APBB2: variants seen among roughly 807,000 people sequenced by gnomAD.
APBB2 encodes amyloid beta precursor protein binding family B member 2.
A neutral mutation model predicts 82.5 loss-of-function variants in APBB2; 38 were observed. That is an observed-to-expected ratio of 0.46 (90% CI 0.36 to 0.60). The LOEUF is 0.60. APBB2 is among the 20% of genes least tolerant of loss of function. The pLI, the probability that APBB2 is intolerant of heterozygous loss-of-function variation, is 0.00. For synonymous variants in APBB2, 341 were observed against 368.2 expected, an observed-to-expected ratio of 0.93 and a Z score of 0.85; for missense variants, 772 against 972.3, an observed-to-expected ratio of 0.79 and a Z score of 2.74.
chr4:40,877,197 T>C (rs1767146794), intron 12 of APBB2, among the ~76,000 whole-genome samples: 1 of 152,262 alleles, frequency 6.6e-6, no homozygotes, highest in African/African-American at 2.4e-5. Context: ...GTCAGGAGTC[T>C]GTCTTGGCCA....
At chr4:40,928,427 CAAT>C (rs1398709320) in intron 10 of APBB2, among the ~76,000 whole-genome samples, 5 of 76,592 alleles carry the variant, frequency 6.5e-5, no homozygotes, top group East Asian at 3.0e-4. Flanking sequence ...CACACACACA[CAAT>C]CAGCCAGGTG....
At chr4:41,068,882 G>A (rs912288856) in intron 3 of APBB2, among the ~76,000 whole-genome samples, 1 of 137,886 alleles carries the variant, frequency 7.3e-6, no homozygotes, top group African/African-American at 2.8e-5. Context: ...TGCAACCTCC[G>A]ACTTCCTGGT....
At chr4:41,121,460 G>A (rs1446984071) in intron 2 of APBB2, among the ~76,000 whole-genome samples, 5 of 152,244 alleles carry the variant, frequency 3.3e-5, no homozygotes, top group South Asian at 2.1e-4. Flanking sequence ...ACTTGGGAGC[G>A]TGCGTGTGTA....
chr4:41,048,208 G>A (rs1234101433), intron 4 of APBB2, among the ~76,000 whole-genome samples: 2 of 152,192 alleles, frequency 1.3e-5, no homozygotes, highest in Non-Finnish European at 2.9e-5. Context: ...TTTCCTTTGA[G>A]AATCATGTCA....
At chr4:41,181,665 G>T (rs982043017) in intron 1 of APBB2, among the ~76,000 whole-genome samples, 4 of 152,128 alleles carry the variant, frequency 2.6e-5, no homozygotes, top group African/African-American at 7.2e-5. Flanking sequence ...GACTAGCATG[G>T]CCGGGCACAG....
intron 6 of APBB2, among the ~76,000 whole-genome samples, chr4:40,978,168 C>G (rs1578913890): frequency 6.6e-6 from 1 of 152,188 alleles, no homozygotes; most frequent in South Asian, 2.1e-4. Context: ...TGCCCAGACC[C>G]AAGTCAGCAA....
chr4:40,815,895 A>T lies in APBB2; in HGVS notation c.*197T>A, dbSNP rs536986809. ...CATGATGTAACTTACAGCAAAAAAAATTATTCATGCTTCTTTTCATATCAC... is the reference window on the plus strand; with the variant it reads ...CATGATGTAACTTACAGCAAAAAAATTTATTCATGCTTCTTTTCATATCAC... On this transcript the variant is annotated 3_prime_UTR_variant, in exon 18 of 18. Coordinates refer to ENST00000508593, the MANE Select transcript of APBB2 (RefSeq NM_004307.2). The T allele has an allele frequency of 1.6e-6, 1 of 616,736 alleles. No individual in the cohort carries two copies. Among genetic ancestry groups the T allele is most frequent in the African/African-American group, 1.8e-5 (1 of 55,218 alleles). The allele number at this position is 616,736 out of a possible 1,614,324, so 38.2% of individuals were successfully genotyped here.
intron 4 of APBB2, among the ~76,000 whole-genome samples, chr4:41,049,507 G>GC (rs1725088545): frequency 2.8e-5 from 4 of 143,650 alleles, no homozygotes; most frequent in Non-Finnish European, 6.2e-5. Flanking sequence ...CGGGAGGGAG[G>GC]TGGGGGCCAG....
intron 3 of APBB2, among the ~76,000 whole-genome samples, chr4:41,076,402 A>G (rs1478779385): frequency 6.6e-6 from 1 of 152,120 alleles, no homozygotes; most frequent in East Asian, 1.9e-4. Context: ...TAAGCTTGAG[A>G]AGATCTGCAC....
chr4:41,158,854 T>C (rs1373973800), intron 1 of APBB2, among the ~76,000 whole-genome samples: 4 of 152,140 alleles, frequency 2.6e-5, no homozygotes, highest in East Asian at 1.9e-4. Flanking sequence ...ACGGTTACTA[T>C]ACAAATGAGG....
intron 6 of APBB2, among the ~76,000 whole-genome samples, chr4:41,012,874 CT>C (rs1378007121): frequency 6.6e-6 from 1 of 152,182 alleles, no homozygotes; most frequent in Non-Finnish European, 1.5e-5. Flanking sequence ...TTTAAAGTAG[CT>C]GACTTTTAGG....
chr4:41,142,315 T>C (rs997741807), intron 2 of APBB2, among the ~76,000 whole-genome samples: 1 of 152,228 alleles, frequency 6.6e-6, no homozygotes, highest in African/African-American at 2.4e-5. Context: ...GGGTTATCCA[T>C]GCTGTTTCAT....
chr4:41,017,335 A>G (rs1456321785), intron 5 of APBB2, among the ~76,000 whole-genome samples: 1 of 152,218 alleles, frequency 6.6e-6, no homozygotes, highest in African/African-American at 2.4e-5. Context: ...CATGAACTAT[A>G]GAGTTCCTCT....
In APBB2 at chr4:41,172,621, G is replaced by A. The variant is rs150232945; in HGVS notation, c.-416-29479C>T. Among the ~76,000 whole-genome samples, 73 of 152,370 alleles carry A rather than the reference G, an allele frequency of 4.8e-4. No individual in the cohort carries two copies. The East Asian group carries it at 0.013, about 27-fold the overall frequency. ...ACGCCAATGCCTGGTACAGTACTTT[G>A]CACTTCACGCAATGGGAGTGGGCTC... On this transcript the variant is annotated intron_variant, in intron 1 of 17. Coordinates refer to ENST00000508593, the MANE Select transcript of APBB2 (RefSeq NM_004307.2).
At chr4:40,983,402 T>C (rs190241814) in intron 6 of APBB2, among the ~76,000 whole-genome samples, 5 of 152,372 alleles carry the variant, frequency 3.3e-5, no homozygotes, top group African/African-American at 4.8e-5. Flanking sequence ...TGCACATTTT[T>C]ATAATTTAAA....
chr4:41,018,991 GA>G (rs1810753042), intron 5 of APBB2, among the ~76,000 whole-genome samples: 1 of 152,218 alleles, frequency 6.6e-6, no homozygotes, highest in Non-Finnish European at 1.5e-5. Flanking sequence ...GAACAGGGCA[GA>G]AAGATAAGGT....
chr4:41,166,804 G>A (rs1319712041), intron 1 of APBB2, among the ~76,000 whole-genome samples: 2 of 152,088 alleles, frequency 1.3e-5, no homozygotes, highest in African/African-American at 4.8e-5. Context: ...GGTTGATGCA[G>A]GAGATTCGCT....
At chr4:41,015,740 G>C (rs1241790040) in intron 5 of APBB2, among the ~76,000 whole-genome samples, 1 of 151,976 alleles carries the variant, frequency 6.6e-6, no homozygotes, top group Non-Finnish European at 1.5e-5. Context: ...TAGGATCTTG[G>C]GCCCCATTCT....
At chr4:41,145,796 A>C (rs944306954) in intron 1 of APBB2, among the ~76,000 whole-genome samples, 4 of 152,268 alleles carry the variant, frequency 2.6e-5, no homozygotes, top group Non-Finnish European at 4.4e-5. Flanking sequence ...GGAAAGATGC[A>C]TGCACCAGTG....
Sources: gnomAD v4.1 joint callset for allele counts (sites outside exome capture counted in the v4.1 genomes callset) on GRCh38, gnomAD v4.1.1 for gene constraint, MANE v1.5 for transcripts, NCBI Gene and HGNC (gene_info 2026-07-23, HGNC 2026-07-21) for gene names.